FGD6: variants seen among roughly 807,000 people sequenced by gnomAD.
FGD6 encodes FYVE, RhoGEF and PH domain-containing protein 6.
A neutral mutation model predicts 149.4 loss-of-function variants in FGD6; 90 were observed. That is an observed-to-expected ratio of 0.60 (90% confidence interval 0.51 to 0.72). FGD6 has a LOEUF of 0.72. FGD6 is among the 30% of genes least tolerant of loss of function. The pLI is 0.00. For missense variants in FGD6, 1,437 were observed against 1,684.8 expected (o/e 0.85, Z 2.57); for synonymous variants, 527 against 584.0 (o/e 0.90, Z 1.41).
At chr12:95,148,694 A>G (rs1880117873) in intron 5 of FGD6, among the ~76,000 whole-genome samples, 1 of 109,730 alleles carries the variant, frequency 9.1e-6, no homozygotes, top group South Asian at 2.7e-4. Flanking sequence ...TATATATATT[A>G]TATATTATAT....
intron 8 of FGD6, among the ~76,000 whole-genome samples, chr12:95,126,730 C>CA (rs66512721): frequency 1.7e-4 from 22 of 127,400 alleles, no homozygotes; most frequent in Non-Finnish European, 3.0e-4. Context: ...GACTCAGTCT[C>CA]AAAAAAAAAA....
chr12:95,141,532 C>T lies in FGD6; in HGVS notation c.2693G>A (p.Arg898Gln), dbSNP rs1555219492. ...DVLKLLHIDF[R>Q]DAVAHASRQL... ...CCTGGAAGCATGAGCTACTGCATCC[C>T]GGAAATCCTATTACAGTCCAGAGCA... is the stretch of plus-strand genomic sequence containing the variant. The change falls in exon 6 of 21, where the codon CGG becomes CAG. Residue 898 changes from arginine (R) to glutamine (Q), a missense_variant. Around this residue, in one of 2 missense-constraint regions of FGD6, gnomAD observed 1,055 missense variants for 1,146.0 expected, o/e 0.92. Transcript: ENST00000343958. 8.1e-6 allele frequency: 13 copies of T among 1,613,866 alleles called. No homozygotes were observed. Among genetic ancestry groups the T allele is most frequent in the Middle Eastern group, 1.6e-4 (1 of 6,084 alleles).
chr12:95,085,971 T>C (rs540042312), intron 18 of FGD6, 63 bp from the exon 19 acceptor site: 3 of 1,489,042 alleles, frequency 2.0e-6, no homozygotes, highest in African/African-American at 1.4e-5. Flanking sequence ...GCAAAATTAT[T>C]TGCAACCAAT....
At chr12:95,088,530 C>A (rs1436059948) in intron 18 of FGD6, among the ~76,000 whole-genome samples, 1 of 152,130 alleles carries the variant, frequency 6.6e-6, no homozygotes, top group Non-Finnish European at 1.5e-5. Context: ...CCCAGTTCCT[C>A]AAAAAGTTAA....
intron 3 of FGD6, among the ~76,000 whole-genome samples, chr12:95,165,785 G>A (rs1221437544): frequency 1.3e-5 from 2 of 151,580 alleles, no homozygotes; most frequent in East Asian, 3.9e-4. Context: ...CTACAGGCAT[G>A]AACCACCATA....
At chr12:95,094,728 T>G (rs745580417) in intron 14 of FGD6, 34 bp from the exon 15 acceptor site, 1 of 1,483,482 alleles carries the variant, frequency 6.7e-7, no homozygotes, top group Non-Finnish European at 9.4e-7. Context: ...CAACCAGATG[T>G]CAGTTTTTGT....
In FGD6 at chr12:95,094,159, CA is replaced by C. The variant is rs112167103; in HGVS notation, c.3600+432del. Among the ~76,000 whole-genome samples, 411 of 126,396 alleles carry C rather than the reference CA, an allele frequency of 3.3e-3. 1 individual carries two copies. The highest frequency in any genetic ancestry group is 8.1e-3 in the African/African-American group (278 of 34,204). 82.9% of individuals were successfully genotyped at this position (126,396 alleles called of 152,430 possible). On this transcript the variant is annotated intron_variant, in intron 15 of 20. Coordinates refer to ENST00000343958, the MANE Select transcript of FGD6 (RefSeq NM_018351.4). The stretch of plus-strand genomic sequence containing the variant: ...GGGCAATAAGAGTGAAATTCTGTCT[CA>C]AAAAAAAAAAAGAAAGAAAAAGAAA...
intron 2 of FGD6, among the ~76,000 whole-genome samples, chr12:95,206,797 CA>C (rs934183876): frequency 6.6e-6 from 1 of 151,792 alleles, no homozygotes; most frequent in Non-Finnish European, 1.5e-5. Context: ...AAACAGAATG[CA>C]GCTGGCTGTG....
At chr12:95,177,761 C>A (rs1329943434) in intron 2 of FGD6, among the ~76,000 whole-genome samples, 1 of 152,118 alleles carries the variant, frequency 6.6e-6, no homozygotes, top group African/African-American at 2.4e-5. Context: ...AGCACACTAA[C>A]TATAAAATTG....
chr12:95,100,441 G>A, intron 14 of FGD6: 1 of 273,006 alleles, frequency 3.7e-6, no homozygotes, highest in South Asian at 3.6e-5. Context: ...ACTAACAAAA[G>A]CACAAACAGG....
At chr12:95,149,993 TAC>T (rs10652699) in intron 5 of FGD6, among the ~76,000 whole-genome samples, 6,909 of 131,900 alleles carry the variant, frequency 0.052, 211 homozygotes, top group Non-Finnish European at 0.068. Context: ...TGCTATATAT[TAC>T]ACACACACAC....
chr12:95,186,404 G>C (rs1322253020), intron 2 of FGD6, among the ~76,000 whole-genome samples: 2 of 149,892 alleles, frequency 1.3e-5, no homozygotes, highest in Non-Finnish European at 3.0e-5. Context: ...TGCTATCTTG[G>C]CCAGTCTGAT....
At chr12:95,131,731 C>T (rs953490504) in intron 8 of FGD6, among the ~76,000 whole-genome samples, 2 of 152,128 alleles carry the variant, frequency 1.3e-5, no homozygotes, top group African/African-American at 4.8e-5. Context: ...TCACTTTTCC[C>T]CCTTCCCAAA....
At chr12:95,083,977 A>G (rs1877777039) in intron 20 of FGD6, among the ~76,000 whole-genome samples, 2 of 152,254 alleles carry the variant, frequency 1.3e-5, no homozygotes, top group Non-Finnish European at 2.9e-5. Flanking sequence ...AGACTGTTTC[A>G]GCCTTTGCCA....
At chr12:95,164,544 C>T (rs1415208651) in intron 3 of FGD6, among the ~76,000 whole-genome samples, 12 of 152,074 alleles carry the variant, frequency 7.9e-5, no homozygotes, top group Non-Finnish European at 1.3e-4. Context: ...AATTCTCCTG[C>T]TTCAGTCTCC....
At chr12:95,095,455 T>C (rs904449414) in intron 14 of FGD6, among the ~76,000 whole-genome samples, 1 of 152,064 alleles carries the variant, frequency 6.6e-6, no homozygotes, top group East Asian at 1.9e-4. Context: ...AGCATACTTA[T>C]GAAACCACTG....
At chr12:95,082,569 A>G (rs1361843830) in intron 20 of FGD6, among the ~76,000 whole-genome samples, 2 of 147,622 alleles carry the variant, frequency 1.4e-5, no homozygotes, top group Admixed American at 1.4e-4. Flanking sequence ...AGGCAGGAGA[A>G]TTGCTTGAAC....
chr12:95,155,569 C>T (rs1283350983), intron 3 of FGD6, among the ~76,000 whole-genome samples: 4 of 152,150 alleles, frequency 2.6e-5, no homozygotes, highest in Non-Finnish European at 5.9e-5. Flanking sequence ...CCTGCAATCA[C>T]TTCTATGCTC....
intron 2 of FGD6, among the ~76,000 whole-genome samples, chr12:95,207,368 T>A (rs1478094747): frequency 6.6e-6 from 1 of 152,202 alleles, no homozygotes; most frequent in East Asian, 1.9e-4. Flanking sequence ...TTGAGTATGT[T>A]TTTATTAGTA....
Sources: allele counts gnomAD v4.1 joint callset (sites outside exome capture counted in the v4.1 genomes callset), GRCh38; gene constraint gnomAD v4.1.1; regional missense constraint gnomAD v4.1.1; transcripts MANE v1.5; gene names NCBI Gene and HGNC (gene_info 2026-07-23, HGNC 2026-07-21).